The following SYNPR variants were observed in gnomAD, a reference collection of about 807,000 sequenced individuals.
SYNPR encodes synaptoporin.
A neutral mutation model predicts 32.9 loss-of-function variants in SYNPR; 23 were observed. The ratio of observed to expected loss-of-function variants is 0.70; its 90% CI spans 0.50 to 0.99. The LOEUF (loss-of-function observed/expected upper bound fraction) is 0.99. Ranked by LOEUF, SYNPR falls within the 50% of genes least tolerant of loss-of-function variation. The pLI, the probability that SYNPR is intolerant of heterozygous loss-of-function variation, is 0.00. For missense variants in SYNPR, 318 were observed against 349.3 expected (o/e 0.91, Z 0.71); for synonymous variants, 146 against 135.9 (o/e 1.07, Z -0.52).
upstream of SYNPR, among the ~76,000 whole-genome samples, chr3:63,276,043 G>C (rs2086571902): frequency 6.6e-6 from 1 of 152,164 alleles, no homozygotes; most frequent in African/African-American, 2.4e-5. Context: ...TGTTTGCTCA[G>C]CTTCATGTCC....
At chr3:63,452,346 A>C (rs974595500) in intron 2 of SYNPR, among the ~76,000 whole-genome samples, 1 of 152,180 alleles carries the variant, frequency 6.6e-6, no homozygotes, top group South Asian at 2.1e-4. Context: ...CTAAAAATAA[A>C]AGCTAAGCCA....
At chr3:63,596,759 C>T (rs1392671569) in intron 4 of SYNPR, among the ~76,000 whole-genome samples, 3 of 152,106 alleles carry the variant, frequency 2.0e-5, no homozygotes, top group Non-Finnish European at 2.9e-5. Context: ...ACCAAACTAC[C>T]AAAAGAAAGT....
intron 3 of SYNPR, among the ~76,000 whole-genome samples, chr3:63,518,566 T>C (rs1701842949): frequency 1.3e-5 from 2 of 152,174 alleles, no homozygotes; most frequent in African/African-American, 4.8e-5. Flanking sequence ...CCTTTACTGC[T>C]TAATATTTTC....
intron 3 of SYNPR, among the ~76,000 whole-genome samples, chr3:63,554,154 G>C (rs531182323): frequency 6.6e-6 from 1 of 152,294 alleles, no homozygotes; most frequent in African/African-American, 2.4e-5. Flanking sequence ...CATAATTTGT[G>C]AATATTTTCT....
At chr3:63,573,363 T>C (rs973140340) in intron 4 of SYNPR, among the ~76,000 whole-genome samples, 4 of 152,172 alleles carry the variant, frequency 2.6e-5, no homozygotes, top group East Asian at 1.9e-4. Flanking sequence ...CCTCAGAACA[T>C]TGTGAGGTTT....
At chr3:63,579,006 T>C (rs1703042383) in intron 4 of SYNPR, among the ~76,000 whole-genome samples, 1 of 152,046 alleles carries the variant, frequency 6.6e-6, no homozygotes, top group Non-Finnish European at 1.5e-5. Context: ...ATTAAATCCA[T>C]CTTCTTATCT....
At chr3:63,338,016 T>C (rs1194806400) in intron 2 of SYNPR, among the ~76,000 whole-genome samples, 3 of 152,130 alleles carry the variant, frequency 2.0e-5, no homozygotes, top group Non-Finnish European at 2.9e-5. Context: ...AGAACTTCAG[T>C]CAATAATAAT....
chr3:63,221,627 G>C, the SYNPR span, among the ~76,000 whole-genome samples: 1 of 152,118 alleles, frequency 6.6e-6, no homozygotes, highest in African/African-American at 2.4e-5. Flanking sequence ...ATGCAGACCT[G>C]GCTGAGAGGA....
chr3:63,607,886 G>A (rs1355061223), intron 4 of SYNPR, among the ~76,000 whole-genome samples: 1 of 152,114 alleles, frequency 6.6e-6, no homozygotes, highest in Non-Finnish European at 1.5e-5. Flanking sequence ...CACACCATGA[G>A]AGCAAGATAC....
chr3:63,529,286 T>G (rs867808348), intron 3 of SYNPR, among the ~76,000 whole-genome samples: 6 of 152,244 alleles, frequency 3.9e-5, no homozygotes, highest in Admixed American at 1.3e-4. Context: ...TTACTTATAA[T>G]AGTAAATGCA....
chr3:63,493,502 G>A (rs915345142), intron 3 of SYNPR, among the ~76,000 whole-genome samples: 1 of 151,996 alleles, frequency 6.6e-6, no homozygotes, highest in Admixed American at 6.6e-5. Flanking sequence ...GCATGGTAAC[G>A]TGTAGAAAGC....
At position 63,301,241 on chromosome 3, in the gene SYNPR, G is replaced by C. The variant is rs572816946; in HGVS notation, c.84+22499G>C. Among the ~76,000 whole-genome samples the C allele has an allele frequency of 2.4e-4, 37 of 152,238 alleles. 2 individuals carry two copies. The South Asian group carries it at 7.0e-3, about 29-fold the overall frequency. ...TTGGAAAAATGACTTTGGATATTTAGATAATATTTTGGGTGACTGTTAGGT... is the reference window on the plus strand; with the variant it reads ...TTGGAAAAATGACTTTGGATATTTACATAATATTTTGGGTGACTGTTAGGT... On this transcript the variant is annotated intron_variant, in intron 2 of 5. Transcript: ENST00000478300.
intron 2 of SYNPR, among the ~76,000 whole-genome samples, chr3:63,468,056 A>T (rs142153643): frequency 2.0e-3 from 309 of 152,022 alleles, no homozygotes; most frequent in African/African-American, 7.3e-3. Context: ...AAAATTAGCC[A>T]GGCGTGGTGG....
chr3:63,255,413 G>C (rs1317605506), intron 2 of SYNPR, among the ~76,000 whole-genome samples: 1 of 152,160 alleles, frequency 6.6e-6, no homozygotes, highest in African/African-American at 2.4e-5. Context: ...TGCCATGTCA[G>C]GCCTTGAACC....
chr3:63,587,744 A>G (rs1703215568), intron 4 of SYNPR, among the ~76,000 whole-genome samples: 1 of 151,932 alleles, frequency 6.6e-6, no homozygotes, highest in Admixed American at 6.6e-5. Flanking sequence ...GGTATCCTTG[A>G]GGTAATTTAG....
At chr3:63,312,743 C>G (rs1394274543) in intron 2 of SYNPR, among the ~76,000 whole-genome samples, 5 of 151,996 alleles carry the variant, frequency 3.3e-5, no homozygotes, top group Admixed American at 3.3e-4. Flanking sequence ...CCACCCAACT[C>G]TTTTGCACTA....
chr3:63,408,205 G>A (rs1446038824), intron 2 of SYNPR, among the ~76,000 whole-genome samples: 567 of 51,020 alleles, frequency 0.011, 43 homozygotes, highest in Middle Eastern at 0.059. Context: ...AGGAAGGAAG[G>A]AAGGAAGGAA....
At chr3:63,409,280 C>G (rs552029155) in intron 2 of SYNPR, among the ~76,000 whole-genome samples, 1 of 151,956 alleles carries the variant, frequency 6.6e-6, no homozygotes, top group African/African-American at 2.4e-5. Context: ...AACTAAACAT[C>G]GATTTTTTTT....
intron 2 of SYNPR, among the ~76,000 whole-genome samples, chr3:63,393,479 CCTT>C (rs2088169436): frequency 7.1e-6 from 1 of 141,224 alleles, no homozygotes; most frequent in Non-Finnish European, 1.5e-5. Context: ...TTCCTTCCTT[CCTT>C]CTTTCTTTCT....
Sources: gnomAD v4.1 joint callset for allele counts (sites outside exome capture counted in the v4.1 genomes callset) on GRCh38, gnomAD v4.1.1 for gene constraint, MANE v1.5 for transcripts, NCBI Gene and HGNC (gene_info 2026-07-23, HGNC 2026-07-21) for gene names.